The following SCIN variants were observed in gnomAD, a reference collection of about 807,000 sequenced individuals.
The protein encoded by SCIN is scinderin.
In SCIN, 91 loss-of-function variants were observed where a neutral mutation model predicts 91.8. That is an observed-to-expected ratio of 0.99 (90% CI 0.84 to 1.18). The LOEUF is 1.18. Ranked by LOEUF, SCIN falls within the 50% of genes most tolerant of loss-of-function variation. The pLI is 0.00. For synonymous variants in SCIN, 367 were observed against 312.6 expected (o/e 1.17, Z -1.84); for missense variants, 1,087 against 863.9 (o/e 1.26, Z -3.24).
chr7:12,602,577 G>A lies in SCIN; in HGVS notation c.517-1937G>A, dbSNP rs1038918047. ...TAAGACAGACACTCCCAGAGCGGCCGTTTATAGATCTCCCCCAAGGAATGC... is the reference window on the plus strand; with the variant it reads ...TAAGACAGACACTCCCAGAGCGGCCATTTATAGATCTCCCCCAAGGAATGC... On this transcript the variant is annotated intron_variant, in intron 3 of 15. Transcript: ENST00000297029. Among the ~76,000 whole-genome samples, 12 of 152,068 alleles carry A rather than the reference G, an allele frequency of 7.9e-5. 1 individual carries two copies. The highest frequency in any genetic ancestry group is 4.2e-4 in the South Asian group (2 of 4,816).
intron 3 of SCIN, among the ~76,000 whole-genome samples, chr7:12,601,618 A>G (rs1782959904): frequency 6.6e-6 from 1 of 152,186 alleles, no homozygotes; most frequent in Admixed American, 6.5e-5. Context: ...TATCCCCAGC[A>G]TAATAAGCAG....
chr7:12,652,437 A>T (rs1258546510), intron 15 of SCIN, 151 bp from the exon 16 acceptor site: 1 of 692,540 alleles, frequency 1.4e-6, no homozygotes, highest in Non-Finnish European at 2.3e-6. Flanking sequence ...GAAGAATTGT[A>T]TTCGAAGAAT....
rs377562314 is a variant in SCIN at position 12,585,840 on chromosome 7, C to T, written c.516+4619C>T. Among the ~76,000 whole-genome samples the T allele has an allele frequency of 4.6e-5, 7 of 152,342 alleles. No homozygotes were observed. In the East Asian group the frequency reaches 9.6e-4, roughly 21 times the overall value. On this transcript the variant is annotated intron_variant, in intron 3 of 15. Transcript: ENST00000297029. ...AGACTTTTGCTGTTGCAGATGGATTCCTTTGCTAGAATACTCGCCTCTTAT... is the reference window on the plus strand; with the variant it reads ...AGACTTTTGCTGTTGCAGATGGATTTCTTTGCTAGAATACTCGCCTCTTAT...
At chr7:12,576,338 A>C (rs1268955657) in intron 1 of SCIN, among the ~76,000 whole-genome samples, 1 of 147,754 alleles carries the variant, frequency 6.8e-6, no homozygotes, top group Non-Finnish European at 1.5e-5. Flanking sequence ...CACGTCAAGT[A>C]ATCTTCTAGC....
At chr7:12,592,917 G>A (rs1275972683) in intron 3 of SCIN, among the ~76,000 whole-genome samples, 3 of 152,180 alleles carry the variant, frequency 2.0e-5, no homozygotes, top group African/African-American at 7.2e-5. Context: ...TGCAGTGATG[G>A]CAGTGGGGGC....
At position 12,641,469 on chromosome 7, in the gene SCIN, C is replaced by T. The variant is rs1390819980; in HGVS notation, c.1581+952C>T. Reference sequence around the variant, plus strand: ...GCCTCTCTCTTTTATATCAGACTTTCCGTCCTCTAGACCTCTTGTGCTTTC... The same window carrying T: ...GCCTCTCTCTTTTATATCAGACTTTTCGTCCTCTAGACCTCTTGTGCTTTC... On this transcript the variant is annotated intron_variant, in intron 11 of 15. Coordinates refer to ENST00000297029, the MANE Select transcript of SCIN (RefSeq NM_001112706.3). 3.9e-5 allele frequency among the ~76,000 whole-genome samples: 6 copies of T among 152,206 alleles called. No individual in the cohort carries two copies. In the East Asian group the frequency reaches 1.2e-3, roughly 30 times the overall value.
intron 3 of SCIN, among the ~76,000 whole-genome samples, chr7:12,581,947 A>G (rs1782496030): frequency 6.6e-6 from 1 of 152,240 alleles, no homozygotes; most frequent in South Asian, 2.1e-4. Context: ...CTGAAAAGCC[A>G]TGTGCAAAAG....
chr7:12,625,901 A>G, intron 7 of SCIN, 51 bp downstream of exon 7: 1 of 1,326,352 alleles, frequency 7.5e-7, no homozygotes, highest in Non-Finnish European at 1.1e-6. Context: ...ATTGGAGCTC[A>G]TGACATCTCC....
At chr7:12,625,520 G>A (rs977306847) in intron 6 of SCIN, among the ~76,000 whole-genome samples, 6 of 143,414 alleles carry the variant, frequency 4.2e-5, no homozygotes, top group African/African-American at 1.6e-4. Flanking sequence ...TTGTGGAGAT[G>A]GGCTTTCACC....
intron 10 of SCIN, among the ~76,000 whole-genome samples, chr7:12,638,970 A>G (rs1218636603): frequency 6.6e-6 from 1 of 152,204 alleles, no homozygotes; most frequent in East Asian, 1.9e-4. Flanking sequence ...GATGCACTCG[A>G]TTAATGAGTT....
chr7:12,652,853 C>G lies in SCIN; in HGVS notation c.*138C>G. The G allele has an allele frequency of 6.8e-6, 7 of 1,031,812 alleles. No individual in the cohort carries two copies. The South Asian group carries it at 1.1e-4, about 16-fold the overall frequency. The allele number at this position is 1,031,812 out of a possible 1,614,324, so 63.9% of individuals were successfully genotyped here. A position where few individuals can be genotyped will look rare whatever the true frequency, so the allele number is the denominator to read the frequency against. On this transcript the variant is annotated 3_prime_UTR_variant, in exon 16 of 16. Transcript: ENST00000297029. ...GCGCGGTGGCTCACACCTGTAATCCCAGCACTTTGAGAGGATGAGGTAGGC... is the reference window on the plus strand; with the variant it reads ...GCGCGGTGGCTCACACCTGTAATCCGAGCACTTTGAGAGGATGAGGTAGGC...
chr7:12,638,239 A>G (rs549820591), intron 10 of SCIN, among the ~76,000 whole-genome samples: 1 of 152,162 alleles, frequency 6.6e-6, no homozygotes, highest in African/African-American at 2.4e-5. Context: ...GTGAGAGAGT[A>G]CTTTCTTGTT....
At position 12,651,741 on chromosome 7, in the gene SCIN, A is replaced by C; in HGVS notation, c.1960-100A>C. On this transcript the variant is annotated intron_variant, in intron 14 of 15. Transcript: ENST00000297029. This position sits in a 1 kb window ranked among gnomAD's most constrained non-coding sequence, Gnocchi z 5.9. ...TCCCTAACTTCTGCGGATATTGTGA[A>C]GATTGAATGAGCAATGTGTGTGTGA... is the stretch of plus-strand genomic sequence containing the variant. 1.4e-6 allele frequency: 1 copy of C among 713,938 alleles called. No individual in the cohort carries two copies. The highest frequency in any genetic ancestry group is 2.4e-6 in the Non-Finnish European group (1 of 421,932). The allele number at this position is 713,938 out of a possible 1,614,324, so 44.2% of individuals were successfully genotyped here.
At chr7:12,629,944 G>A (rs1238036575) in intron 9 of SCIN, among the ~76,000 whole-genome samples, 2 of 151,978 alleles carry the variant, frequency 1.3e-5, no homozygotes, top group African/African-American at 4.8e-5. Flanking sequence ...ATATTGCTAA[G>A]ACGGCTGGAA....
At chr7:12,640,923 T>C (rs1783845267) in intron 11 of SCIN, among the ~76,000 whole-genome samples, 1 of 152,110 alleles carries the variant, frequency 6.6e-6, no homozygotes, top group Non-Finnish European at 1.5e-5. Flanking sequence ...GGGAGGCATG[T>C]CCCACCACAC....
At chr7:12,652,314 G>T (rs1180397) in intron 15 of SCIN, among the ~76,000 whole-genome samples, 86,454 of 152,006 alleles carry the variant, frequency 0.57, 24,814 homozygotes, top group East Asian at 0.72. Flanking sequence ...ATAAAACTTG[G>T]AATTCTTTCA....
chr7:12,614,967 T>C (rs748326861), intron 4 of SCIN, among the ~76,000 whole-genome samples: 4 of 152,148 alleles, frequency 2.6e-5, no homozygotes, highest in Admixed American at 1.3e-4. Flanking sequence ...ACATCCTTAC[T>C]TTACAGATGA....
At chr7:12,590,763 G>T (rs1232476722) in intron 3 of SCIN, among the ~76,000 whole-genome samples, 4 of 152,148 alleles carry the variant, frequency 2.6e-5, no homozygotes. Flanking sequence ...TCCTGCTTTA[G>T]CTGGGAGGTG....
Position 12,644,259 on chromosome 7 carries a change from A to G in SCIN, c.1703A>G (p.Tyr568Cys), listed in dbSNP as rs750117695. 2 of 1,603,620 alleles carry G rather than the reference A, an allele frequency of 1.2e-6. No homozygotes were observed. Among genetic ancestry groups the G allele is most frequent in the Non-Finnish European group, 8.5e-7 (1 of 1,174,584 alleles). ...CAGGAGGAGGAGAAAGGAGCAGAGT[A>G]TGTAGCAAGTGTCCTAAAGTGCAAA... ...ASQEEEKGAE[Y>C]VASVLKCKTL... Residue 568 changes from tyrosine (Y) to cysteine (C), a missense_variant, in exon 12 of 16, where the codon TAT becomes TGT. Coordinates refer to ENST00000297029, the MANE Select transcript of SCIN (RefSeq NM_001112706.3).
Sources: gnomAD v4.1 joint callset for allele counts (sites outside exome capture counted in the v4.1 genomes callset) on GRCh38, gnomAD v4.1.1 for gene constraint, Gnocchi (gnomAD v3.1) non-coding constraint, MANE v1.5 for transcripts, NCBI Gene and HGNC (gene_info 2026-07-23, HGNC 2026-07-21) for gene names.